The following PAK5 variants were observed in gnomAD, a reference collection of about 807,000 sequenced individuals.
PAK5 encodes p21 (RAC1) activated kinase 5, also known as serine/threonine-protein kinase PAK 5.
A neutral mutation model predicts 65.9 loss-of-function variants in PAK5; 16 were observed. That is an observed-to-expected ratio of 0.24 (90% CI 0.16 to 0.37). The LOEUF (loss-of-function observed/expected upper bound fraction) is 0.37. Ranked by LOEUF, PAK5 falls within the 10% of genes least tolerant of loss-of-function variation. The pLI is 1.00. For synonymous variants in PAK5, 371 were observed against 354.9 expected (o/e 1.05, Z -0.51); for missense variants, 785 against 903.9 (o/e 0.87, Z 1.69).
intron 1 of PAK5, among the ~76,000 whole-genome samples, chr20:9,805,663 T>C (rs1309448180): frequency 6.6e-6 from 1 of 152,130 alleles, no homozygotes; most frequent in African/African-American, 2.4e-5. Context: ...AAATTACACA[T>C]ATAAGAAGTA....
chr20:9,655,001 C>T (rs932309671), intron 2 of PAK5, among the ~76,000 whole-genome samples: 2 of 152,142 alleles, frequency 1.3e-5, no homozygotes, highest in Non-Finnish European at 2.9e-5. Context: ...CATGCATGAA[C>T]ACATTCTGTC....
At chr20:9,584,673 T>C (rs2046037982) in intron 3 of PAK5, among the ~76,000 whole-genome samples, 1 of 152,254 alleles carries the variant, frequency 6.6e-6, no homozygotes, top group African/African-American at 2.4e-5. Context: ...TCTGTTCTGC[T>C]TCCTTCTATG....
intron 2 of PAK5, among the ~76,000 whole-genome samples, chr20:9,693,053 T>C (rs887578102): frequency 1.3e-5 from 2 of 152,168 alleles, no homozygotes; most frequent in African/African-American, 2.4e-5. Context: ...TATTATAATA[T>C]ATTTCCACTT....
intron 1 of PAK5, among the ~76,000 whole-genome samples, chr20:9,821,496 T>C (rs2049420685): frequency 6.6e-6 from 1 of 152,200 alleles, no homozygotes; most frequent in Non-Finnish European, 1.5e-5. Flanking sequence ...GAGTATCCTA[T>C]TGGCAATCAC....
chr20:9,683,629 T>C (rs1326400487), intron 2 of PAK5, among the ~76,000 whole-genome samples: 1 of 152,196 alleles, frequency 6.6e-6, no homozygotes, highest in African/African-American at 2.4e-5. Flanking sequence ...CAGTCTCCCT[T>C]GTATCTAGGC....
chr20:9,597,196 T>C (rs1171292076), intron 3 of PAK5, among the ~76,000 whole-genome samples: 2 of 152,232 alleles, frequency 1.3e-5, no homozygotes, highest in African/African-American at 2.4e-5. Context: ...GGTCCTTATC[T>C]GTACTGAGAG....
intron 2 of PAK5, among the ~76,000 whole-genome samples, chr20:9,645,004 A>C (rs892659390): frequency 6.6e-6 from 1 of 152,230 alleles, no homozygotes; most frequent in African/African-American, 2.4e-5. Context: ...GCATACATGA[A>C]AAATGGGTTG....
Position 9,580,622 on chromosome 20 carries a change from G to A in PAK5, c.513C>T (p.His171=), listed in dbSNP as rs1285260824. ...RGSHAAKQNG[H]VMKMKHGEAY... is the part of the protein sequence containing the mutation. ...CCTCCCCGTGCTTCATTTTCATTAC[G>A]TGCCCATTTTGCTTGGCTGCGTGGC... Residue 171 remains histidine (H), a synonymous_variant, in exon 4 of 10, where the codon CAC becomes CAT. Coordinates refer to ENST00000353224, the MANE Select transcript of PAK5 (RefSeq NM_177990.4). The A allele has an allele frequency of 4.3e-6, 7 of 1,613,904 alleles. No individual in the cohort carries two copies. Among genetic ancestry groups the A allele is most frequent in the Admixed American group, 1.7e-5 (1 of 60,000 alleles).
chr20:9,708,417 C>T (rs1260974955), intron 2 of PAK5, among the ~76,000 whole-genome samples: 1 of 152,080 alleles, frequency 6.6e-6, no homozygotes, highest in Non-Finnish European at 1.5e-5. Flanking sequence ...TCCCACCTGA[C>T]AGAGGGGATA....
At chr20:9,581,923 ATAGAAGATTTCAAACTG>A (rs1054969285) in intron 3 of PAK5, among the ~76,000 whole-genome samples, 1 of 152,228 alleles carries the variant, frequency 6.6e-6, no homozygotes, top group Non-Finnish European at 1.5e-5. Context: ...GGATGGTACA[ATAGAAGATTTCAAACTG>A]GAGGAAGAAG....
At chr20:9,643,340 G>A (rs1195642788) in intron 3 of PAK5, among the ~76,000 whole-genome samples, 2 of 152,202 alleles carry the variant, frequency 1.3e-5, no homozygotes, top group African/African-American at 4.8e-5. Context: ...CTGAAGAGCA[G>A]AAGAAAACTG....
At chr20:9,729,497 G>T (rs2048312311) in intron 1 of PAK5, among the ~76,000 whole-genome samples, 1 of 151,950 alleles carries the variant, frequency 6.6e-6, no homozygotes, top group East Asian at 1.9e-4. Context: ...TTATATAAAA[G>T]ACCATATTTC....
chr20:9,800,458 C>A (rs534595499), intron 1 of PAK5, among the ~76,000 whole-genome samples: 14 of 152,146 alleles, frequency 9.2e-5, no homozygotes, highest in African/African-American at 3.4e-4. Context: ...GAACTTCATG[C>A]CTGTGGGATG....
At chr20:9,648,279 C>T (rs1418323589) in intron 2 of PAK5, among the ~76,000 whole-genome samples, 1 of 152,178 alleles carries the variant, frequency 6.6e-6, no homozygotes, top group African/African-American at 2.4e-5. Context: ...GAGGTCTTCT[C>T]CTAGTGAACT....
chr20:9,629,982 T>C (rs1484051981), intron 3 of PAK5, among the ~76,000 whole-genome samples: 2 of 152,178 alleles, frequency 1.3e-5, no homozygotes, highest in Admixed American at 6.5e-5. Context: ...TCTTTTGTAA[T>C]GTGAAGTTCG....
intron 6 of PAK5, 93 bp downstream of exon 6, chr20:9,562,798 C>T (rs2045611293): frequency 8.7e-7 from 1 of 1,154,516 alleles, no homozygotes; most frequent in Non-Finnish European, 1.3e-6. Context: ...CTCCAAAGTG[C>T]CTGCAATTTA....
chr20:9,773,307 T>C (rs2048854065), intron 1 of PAK5, among the ~76,000 whole-genome samples: 1 of 152,192 alleles, frequency 6.6e-6, no homozygotes, highest in Non-Finnish European at 1.5e-5. Flanking sequence ...GTTACATATG[T>C]ATACATGTGC....
intron 7 of PAK5, among the ~76,000 whole-genome samples, chr20:9,548,768 G>T (rs1030125285): frequency 6.6e-6 from 1 of 152,206 alleles, no homozygotes; most frequent in African/African-American, 2.4e-5. Flanking sequence ...GATAGCTGTT[G>T]CTAGAATCAA....
intron 1 of PAK5, among the ~76,000 whole-genome samples, chr20:9,760,594 G>A (rs556058883): frequency 6.8e-6 from 1 of 147,074 alleles, no homozygotes; most frequent in South Asian, 2.2e-4. Flanking sequence ...AAAAAAAAAT[G>A]TATATTTGAG....
Sources: gnomAD v4.1 joint callset for allele counts (sites outside exome capture counted in the v4.1 genomes callset) on GRCh38, gnomAD v4.1.1 for gene constraint, MANE v1.5 for transcripts, NCBI Gene and HGNC (gene_info 2026-07-23, HGNC 2026-07-21) for gene names.